Variants in UNC5C observed in about 807,000 individuals in gnomAD.
The protein encoded by UNC5C is unc-5 netrin receptor C.
In UNC5C, 47 loss-of-function variants were observed where a neutral mutation model predicts 99.8. The ratio of observed to expected loss-of-function variants is 0.47; its 90% CI spans 0.37 to 0.60. The LOEUF (loss-of-function observed/expected upper bound fraction) is 0.60, where lower values mean the gene tolerates loss of function less well. Ranked by LOEUF, UNC5C falls within the 20% of genes least tolerant of loss-of-function variation. The pLI is 0.00. For missense variants in UNC5C, 1,062 were observed against 1,165.9 expected (o/e 0.91, Z 1.30); for synonymous variants, 487 against 452.2 (o/e 1.08, Z -0.98).
chr4:95,400,692 A>G (rs1274427817), intron 1 of UNC5C, among the ~76,000 whole-genome samples: 5 of 152,110 alleles, frequency 3.3e-5, no homozygotes, highest in Admixed American at 1.3e-4. Flanking sequence ...CGCCCGGCCC[A>G]CAATGAGATG....
chr4:95,289,161 C>T (rs1189701563), intron 3 of UNC5C, among the ~76,000 whole-genome samples: 2 of 152,212 alleles, frequency 1.3e-5, no homozygotes, highest in African/African-American at 2.4e-5. Flanking sequence ...AGTGCAGTTA[C>T]ATAAAGAGTC....
chr4:95,336,525 G>T (rs1456716485), intron 1 of UNC5C, among the ~76,000 whole-genome samples: 1 of 151,874 alleles, frequency 6.6e-6, no homozygotes, highest in Non-Finnish European at 1.5e-5. Context: ...GTACTTAAAG[G>T]CTGGTTGCTC....
At chr4:95,509,667 G>A (rs1034738130) in intron 1 of UNC5C, among the ~76,000 whole-genome samples, 8 of 151,696 alleles carry the variant, frequency 5.3e-5, no homozygotes, top group African/African-American at 1.7e-4. Flanking sequence ...GAATTCTTGA[G>A]AGAAAAATAC....
chr4:95,375,611 A>C (rs773726585), intron 1 of UNC5C, among the ~76,000 whole-genome samples: 4 of 152,186 alleles, frequency 2.6e-5, no homozygotes, highest in Non-Finnish European at 4.4e-5. Flanking sequence ...AACCATTGAA[A>C]ATAAGATTAG....
chr4:95,249,128 A>G (rs1484431178), intron 5 of UNC5C, among the ~76,000 whole-genome samples: 1 of 152,210 alleles, frequency 6.6e-6, no homozygotes, highest in Non-Finnish European at 1.5e-5. Context: ...TTTGTAGCCT[A>G]GGAGTAATAG....
At chr4:95,187,724 G>A (rs1255647098) in intron 12 of UNC5C, among the ~76,000 whole-genome samples, 1 of 152,138 alleles carries the variant, frequency 6.6e-6, no homozygotes, top group East Asian at 1.9e-4. Context: ...CCCTTTTTTG[G>A]ATAGAAAGTA....
chr4:95,399,087 T>C (rs1312968416), intron 1 of UNC5C, among the ~76,000 whole-genome samples: 2 of 152,132 alleles, frequency 1.3e-5, no homozygotes, highest in Non-Finnish European at 2.9e-5. Context: ...ACATAGGTCT[T>C]CCTAATGCCT....
chr4:95,295,417 C>T (rs542792481), intron 3 of UNC5C, among the ~76,000 whole-genome samples: 2 of 152,318 alleles, frequency 1.3e-5, no homozygotes, highest in South Asian at 4.1e-4. Flanking sequence ...CACAGCCTGG[C>T]TGAATCCTAA....
chr4:95,484,877 T>A (rs1169106056), intron 1 of UNC5C, among the ~76,000 whole-genome samples: 1 of 151,990 alleles, frequency 6.6e-6, no homozygotes, highest in African/African-American at 2.4e-5. Flanking sequence ...GAAGGTAAAG[T>A]CAAATCATTT....
At chr4:95,437,008 A>AC (rs1410320790) in intron 1 of UNC5C, among the ~76,000 whole-genome samples, 1 of 151,352 alleles carries the variant, frequency 6.6e-6, no homozygotes, top group African/African-American at 2.4e-5. Context: ...AAAAAAAAAA[A>AC]AAAACAGAGA....
intron 1 of UNC5C, among the ~76,000 whole-genome samples, chr4:95,390,789 C>A (rs1021792120): frequency 1.1e-4 from 16 of 152,102 alleles, no homozygotes; most frequent in Non-Finnish European, 2.4e-4. Context: ...TACAGTGGAA[C>A]AATCATGGCT....
intron 1 of UNC5C, among the ~76,000 whole-genome samples, chr4:95,339,875 AC>A (rs1553964752): frequency 7.1e-6 from 1 of 140,950 alleles, no homozygotes; most frequent in Admixed American, 6.8e-5. Flanking sequence ...TTCAGTATTA[AC>A]TTAACGCATT....
chr4:95,277,181 G>C (rs945408414), intron 4 of UNC5C, among the ~76,000 whole-genome samples: 2 of 152,120 alleles, frequency 1.3e-5, no homozygotes, highest in Non-Finnish European at 2.9e-5. Flanking sequence ...TCAGAGATAG[G>C]CACAACTTCA....
At chr4:95,369,112 G>A (rs1341313976) in intron 1 of UNC5C, among the ~76,000 whole-genome samples, 1 of 151,960 alleles carries the variant, frequency 6.6e-6, no homozygotes, top group East Asian at 2.0e-4. Flanking sequence ...TCCCACCTCG[G>A]CCTCCCAAAG....
intron 1 of UNC5C, among the ~76,000 whole-genome samples, chr4:95,401,404 T>A (rs142744222): frequency 1.3e-5 from 2 of 152,130 alleles, no homozygotes; most frequent in Non-Finnish European, 2.9e-5. Flanking sequence ...TAGGCTCAAG[T>A]GATTCTCCCA....
intron 14 of UNC5C, among the ~76,000 whole-genome samples, chr4:95,174,707 A>T (rs1736263702): frequency 6.7e-6 from 1 of 149,334 alleles, no homozygotes; most frequent in South Asian, 2.1e-4. Context: ...TGCTGAAAAA[A>T]ATGTATATTC....
chr4:95,217,393 G>T (rs1486626960), intron 9 of UNC5C, among the ~76,000 whole-genome samples: 2 of 152,058 alleles, frequency 1.3e-5, no homozygotes, highest in African/African-American at 2.4e-5. Context: ...TGTAGGAAGT[G>T]GACTGTCAAT....
chr4:95,252,276 T>C (rs1739775140), intron 4 of UNC5C, among the ~76,000 whole-genome samples: 1 of 152,204 alleles, frequency 6.6e-6, no homozygotes, highest in South Asian at 2.1e-4. Flanking sequence ...GAGTGGAATC[T>C]TTACCTAGGT....
At chr4:95,496,650 C>T (rs1414746834) in intron 1 of UNC5C, among the ~76,000 whole-genome samples, 1 of 151,704 alleles carries the variant, frequency 6.6e-6, no homozygotes, top group African/African-American at 2.4e-5. Context: ...GCATTGAGGA[C>T]AAATATAACA....
Sources: gnomAD v4.1 joint callset for allele counts (sites outside exome capture counted in the v4.1 genomes callset) on GRCh38, gnomAD v4.1.1 for gene constraint, MANE v1.5 for transcripts, NCBI Gene and HGNC (gene_info 2026-07-23, HGNC 2026-07-21) for gene names.